The following PLCXD2 variants were observed in gnomAD, a reference collection of about 807,000 sequenced individuals.
PLCXD2 encodes the protein phosphatidylinositol specific phospholipase C X domain containing 2, also known as PI-PLC X domain-containing protein 2.
PLCXD2 carries 21 observed loss-of-function variants against 28.6 expected under a neutral mutation model. The ratio of observed to expected loss-of-function variants is 0.73; its 90% CI spans 0.52 to 1.06. PLCXD2 has a LOEUF of 1.06. Ranked by LOEUF, PLCXD2 falls within the 50% of genes least tolerant of loss-of-function variation. PLCXD2 has a pLI of 0.00. For synonymous variants in PLCXD2, 140 were observed against 150.1 expected (o/e 0.93, Z 0.49); for missense variants, 369 against 376.7 (o/e 0.98, Z 0.17).
At chr3:111,697,702 T>C (rs1417999436) in intron 1 of PLCXD2, among the ~76,000 whole-genome samples, 2 of 152,202 alleles carry the variant, frequency 1.3e-5, no homozygotes, top group Non-Finnish European at 2.9e-5. Flanking sequence ...AATCTGTCAT[T>C]CAACATCTTT....
chr3:111,724,023 A>T (rs1022461905), intron 3 of PLCXD2: 2 of 152,170 alleles, frequency 1.3e-5, no homozygotes, highest in African/African-American at 2.4e-5. Context: ...CCATATTTCC[A>T]TGGCTTTGTG....
intron 3 of PLCXD2, chr3:111,721,011 T>G: frequency 2.5e-6 from 1 of 400,616 alleles, no homozygotes; most frequent in East Asian, 3.6e-5. Context: ...TTTTCTCCCT[T>G]CCTCACAGGG....
At chr3:111,699,103 G>C (rs1468605675) in intron 1 of PLCXD2, among the ~76,000 whole-genome samples, 1 of 152,162 alleles carries the variant, frequency 6.6e-6, no homozygotes, top group Admixed American at 6.5e-5. Flanking sequence ...GGGAGGTGAA[G>C]ACAGGAGGTT....
intron 1 of PLCXD2, among the ~76,000 whole-genome samples, chr3:111,701,856 C>T (rs1941048686): frequency 6.6e-6 from 1 of 152,004 alleles, no homozygotes; most frequent in African/African-American, 2.4e-5. Context: ...GATTTCAAGT[C>T]TGAGTGACTG....
intron 3 of PLCXD2, chr3:111,722,698 G>T (rs763822148): frequency 6.6e-6 from 1 of 152,170 alleles, no homozygotes; most frequent in Non-Finnish European, 1.5e-5. Flanking sequence ...TCTTCTTCCA[G>T]CAGTTTCCTG....
chr3:111,676,352 C>T (rs1940622329), intron 1 of PLCXD2, among the ~76,000 whole-genome samples: 1 of 152,148 alleles, frequency 6.6e-6, no homozygotes, highest in Admixed American at 6.5e-5. Flanking sequence ...CAAGTATTCC[C>T]TAGACCCGTC....
At chr3:111,687,393 T>C (rs1468206202) in intron 1 of PLCXD2, among the ~76,000 whole-genome samples, 1 of 152,230 alleles carries the variant, frequency 6.6e-6, no homozygotes, top group East Asian at 1.9e-4. Context: ...CCAAGGACTC[T>C]AAGGGTTTTT....
At chr3:111,695,192 A>G (rs1259497896) in intron 1 of PLCXD2, among the ~76,000 whole-genome samples, 1 of 151,908 alleles carries the variant, frequency 6.6e-6, no homozygotes, top group Non-Finnish European at 1.5e-5. Flanking sequence ...TCTTGTTGAA[A>G]CATTTTTAAT....
At chr3:111,697,045 C>T (rs940453001) in intron 1 of PLCXD2, among the ~76,000 whole-genome samples, 1 of 152,100 alleles carries the variant, frequency 6.6e-6, no homozygotes, top group African/African-American at 2.4e-5. Context: ...CACATAAATA[C>T]TTTGGTAACC....
chr3:111,691,287 A>G (rs980632317), intron 1 of PLCXD2: 1 of 152,234 alleles, frequency 6.6e-6, no homozygotes, highest in Non-Finnish European at 1.5e-5. Flanking sequence ...GTAAGCTGTT[A>G]ATAAGTGGAA....
At chr3:111,683,398 T>A (rs975657533) in intron 1 of PLCXD2, among the ~76,000 whole-genome samples, 11 of 152,164 alleles carry the variant, frequency 7.2e-5, no homozygotes, top group African/African-American at 2.7e-4. Context: ...TATATGCCCA[T>A]GCCAAGATTG....
intron 2 of PLCXD2, among the ~76,000 whole-genome samples, chr3:111,710,945 T>A (rs944579616): frequency 3.9e-5 from 6 of 152,212 alleles, no homozygotes; most frequent in African/African-American, 1.4e-4. Flanking sequence ...TCATAGTTTT[T>A]TAAGCATGGG....
At chr3:111,690,055 A>G (rs1940851937) in intron 1 of PLCXD2, among the ~76,000 whole-genome samples, 1 of 152,228 alleles carries the variant, frequency 6.6e-6, no homozygotes, top group Non-Finnish European at 1.5e-5. Flanking sequence ...TACTATCCCC[A>G]TTTTACAGAT....
At chr3:111,715,175 C>T (rs1024729733) in intron 3 of PLCXD2, among the ~76,000 whole-genome samples, 3 of 152,120 alleles carry the variant, frequency 2.0e-5, no homozygotes, top group Non-Finnish European at 1.5e-5. Flanking sequence ...CTGTGTGGCT[C>T]TACTAAGTCT....
At chr3:111,684,223 G>A (rs1232345955) in intron 1 of PLCXD2, among the ~76,000 whole-genome samples, 2 of 151,462 alleles carry the variant, frequency 1.3e-5, no homozygotes, top group Non-Finnish European at 2.9e-5. Flanking sequence ...CCAGCTACTC[G>A]GGAGGCTGAG....
At chr3:111,686,251 T>G (rs1384757676) in intron 1 of PLCXD2, among the ~76,000 whole-genome samples, 3 of 152,208 alleles carry the variant, frequency 2.0e-5, no homozygotes, top group Non-Finnish European at 2.9e-5. Context: ...CAAGACAGAC[T>G]TTTTTAATTC....
intron 1 of PLCXD2, among the ~76,000 whole-genome samples, chr3:111,700,796 G>A (rs1941030487): frequency 6.6e-6 from 1 of 152,136 alleles, no homozygotes; most frequent in Admixed American, 6.5e-5. Context: ...TATAACTGAA[G>A]GATGAAGTAA....
chr3:111,725,053 A>T (rs2107880584), intron 3 of PLCXD2: 1 of 152,328 alleles, frequency 6.6e-6, no homozygotes, highest in South Asian at 2.1e-4. Flanking sequence ...TTATTTCCCA[A>T]CAGTGTGATG....
At chr3:111,694,330 C>T (rs1041938884) in intron 1 of PLCXD2, among the ~76,000 whole-genome samples, 1 of 152,170 alleles carries the variant, frequency 6.6e-6, no homozygotes, top group Non-Finnish European at 1.5e-5. Flanking sequence ...ATGAATATTG[C>T]AGTTGGTGCT....
Sources: allele counts gnomAD v4.1 joint callset (sites outside exome capture counted in the v4.1 genomes callset), GRCh38; gene constraint gnomAD v4.1.1; transcripts MANE v1.5; gene names NCBI Gene and HGNC (gene_info 2026-07-23, HGNC 2026-07-21).